Variants in TECRL observed in about 807,000 individuals in gnomAD.
The protein encoded by TECRL is trans-2,3-enoyl-CoA reductase like.
Under a neutral mutation model 52.8 loss-of-function variants are expected in TECRL, and 63 were observed. The observed-to-expected ratio is 1.19, with a 90% CI of 0.97 to 1.47. TECRL has a LOEUF of 1.47. TECRL is among the 40% of genes most tolerant of loss of function. The pLI is 0.00. For missense variants in TECRL, 482 were observed against 429.6 expected, an observed-to-expected ratio of 1.12 and a Z score of -1.08; for synonymous variants, 164 against 141.9, an observed-to-expected ratio of 1.16 and a Z score of -1.10.
chr4:64,293,999 T>A lies in TECRL; in HGVS notation c.775-4232A>T, dbSNP rs553704493. The stretch of plus-strand genomic sequence containing the variant: ...ATATATAAAATATATATATATATAT[T>A]TTTTGGAGACGGAATCTTGCTCTGA... On this transcript the variant is annotated intron_variant, in intron 8 of 11. Transcript: ENST00000381210. 2.7e-4 allele frequency among the ~76,000 whole-genome samples: 41 copies of A among 149,564 alleles called. No individual in the cohort carries two copies. In the South Asian group the frequency reaches 4.6e-3, roughly 17 times the overall value.
chr4:64,409,359 A>G lies in TECRL; in HGVS notation c.-8T>C, dbSNP rs752398466. 1.9e-6 allele frequency: 3 copies of G among 1,610,754 alleles called. No homozygotes were observed. The highest frequency in any genetic ancestry group is 2.5e-6 in the Non-Finnish European group (3 of 1,177,648). On this transcript the variant is annotated 5_prime_UTR_variant, in exon 1 of 12. Transcript: ENST00000381210. ...CTTGTGCCTTTTGAACATTGTGTGA[A>G]CTAAGAGGAGGGTCTGTCATGTCAA... is the stretch of plus-strand genomic sequence containing the variant.
At chr4:64,324,780 A>T (rs1718139730) in intron 3 of TECRL, among the ~76,000 whole-genome samples, 2 of 152,100 alleles carry the variant, frequency 1.3e-5, no homozygotes, top group African/African-American at 4.8e-5. Flanking sequence ...ACATATATAT[A>T]CATATATAAT....
In TECRL at chr4:64,280,066, CT is replaced by C. The variant is rs745969657; in HGVS notation, c.*5del. 122 of 1,585,942 alleles carry C rather than the reference CT, an allele frequency of 7.7e-5. No individual in the cohort carries two copies. Among genetic ancestry groups the C allele is most frequent in the Non-Finnish European group, 9.8e-5 (114 of 1,168,378 alleles). ...GCTGTTTTCTATAGGAGATAAGATTCTTTTTTTACAATATGAATGGAATCAT... is the reference window on the plus strand; with the variant it reads ...GCTGTTTTCTATAGGAGATAAGATTCTTTTTTACAATATGAATGGAATCAT... On this transcript the variant is annotated 3_prime_UTR_variant, in exon 12 of 12. Transcript: ENST00000381210.
At chr4:64,276,618 G>A (rs140277318), downstream of TECRL, 746 of 153,026 alleles carry the variant, frequency 4.9e-3, 10 homozygotes, top group African/African-American at 0.017. Context: ...ATGTAATTGA[G>A]ACACTTACAA....
intron 6 of TECRL, among the ~76,000 whole-genome samples, chr4:64,308,044 G>C (rs2109993623): frequency 6.6e-6 from 1 of 152,232 alleles, no homozygotes. Flanking sequence ...CCCTCTCACA[G>C]CCTGAAAAAG....
intron 2 of TECRL, among the ~76,000 whole-genome samples, chr4:64,374,052 CATATATATATATATAT>C (rs77300773): frequency 1.7e-4 from 18 of 105,988 alleles, no homozygotes; most frequent in African/African-American, 7.5e-4. Flanking sequence ...ATAGTAGATA[CATATATATATATATAT>C]ATATATATAT....
chr4:64,376,119 C>T (rs1281053058), intron 1 of TECRL, among the ~76,000 whole-genome samples: 1 of 151,698 alleles, frequency 6.6e-6, no homozygotes, highest in Non-Finnish European at 1.5e-5. Flanking sequence ...CATAATAGTC[C>T]ATAAGAATTG....
chr4:64,291,541 T>C (rs1259690022), intron 8 of TECRL, among the ~76,000 whole-genome samples: 2 of 151,988 alleles, frequency 1.3e-5, no homozygotes, highest in Non-Finnish European at 2.9e-5. Context: ...AAAATAAGTT[T>C]TAGAAATTAT....
chr4:64,305,700 C>T (rs1724295653), intron 6 of TECRL, among the ~76,000 whole-genome samples: 1 of 152,168 alleles, frequency 6.6e-6, no homozygotes, highest in Admixed American at 6.5e-5. Context: ...CTTTAACCCT[C>T]CCTGCTCCAT....
chr4:64,280,041 G>T lies in TECRL; in HGVS notation c.*31C>A, dbSNP rs768897184. On this transcript the variant is annotated 3_prime_UTR_variant, in exon 12 of 12. Coordinates refer to ENST00000381210, the MANE Select transcript of TECRL (RefSeq NM_001010874.5). Reference sequence around the variant, plus strand: ...GTCTTATTTATTGAATTTATATGTTGCTGTTTTCTATAGGAGATAAGATTC... The same window carrying T: ...GTCTTATTTATTGAATTTATATGTTTCTGTTTTCTATAGGAGATAAGATTC... 472 of 1,549,700 alleles carry T rather than the reference G, an allele frequency of 3.0e-4. No individual in the cohort carries two copies. Among genetic ancestry groups the T allele is most frequent in the Non-Finnish European group, 4.0e-4 (455 of 1,142,238 alleles).
chr4:64,401,189 T>C (rs1724336477), intron 1 of TECRL, among the ~76,000 whole-genome samples: 1 of 152,214 alleles, frequency 6.6e-6, no homozygotes, highest in African/African-American at 2.4e-5. Context: ...AAAAAATGAT[T>C]ACCCTGTTCA....
At chr4:64,382,530 T>C (rs1722891395) in intron 1 of TECRL, among the ~76,000 whole-genome samples, 1 of 151,602 alleles carries the variant, frequency 6.6e-6, no homozygotes, top group Non-Finnish European at 1.5e-5. Flanking sequence ...TAGCTAATCC[T>C]GTCTTCTTTT....
At chr4:64,370,438 G>A (rs192493215) in intron 2 of TECRL, among the ~76,000 whole-genome samples, 100 of 151,912 alleles carry the variant, frequency 6.6e-4, no homozygotes, top group African/African-American at 2.0e-3. Context: ...ATTTAGATTT[G>A]AGAAAAGAAG....
chr4:64,382,032 T>C (rs1319356058), intron 1 of TECRL, among the ~76,000 whole-genome samples: 2 of 151,672 alleles, frequency 1.3e-5, no homozygotes, highest in Non-Finnish European at 2.9e-5. Flanking sequence ...ATTTACAAGT[T>C]TGATGGAATT....
intron 2 of TECRL, among the ~76,000 whole-genome samples, chr4:64,365,932 T>C (rs948913496): frequency 1.3e-5 from 2 of 151,970 alleles, no homozygotes; most frequent in African/African-American, 2.4e-5. Flanking sequence ...GCCAAAGGAA[T>C]CCTAAGCAAA....
At chr4:64,373,962 T>A (rs115458234) in intron 2 of TECRL, among the ~76,000 whole-genome samples, 2,177 of 139,756 alleles carry the variant, frequency 0.016, 68 homozygotes, top group African/African-American at 0.054. Flanking sequence ...ACACACTATA[T>A]GTATACAGTA....
intron 2 of TECRL, among the ~76,000 whole-genome samples, chr4:64,349,099 T>G (rs1373907735): frequency 6.6e-6 from 1 of 150,706 alleles, no homozygotes; most frequent in African/African-American, 2.4e-5. Flanking sequence ...TTCATAAATT[T>G]TTTTTAATAA....
At chr4:64,336,127 G>A (rs1215878480) in intron 2 of TECRL, among the ~76,000 whole-genome samples, 1 of 152,126 alleles carries the variant, frequency 6.6e-6, no homozygotes, top group Non-Finnish European at 1.5e-5. Flanking sequence ...ATTCAGCTGT[G>A]AATCCGTCTG....
At chr4:64,372,600 A>C (rs915496368) in intron 2 of TECRL, among the ~76,000 whole-genome samples, 7 of 151,800 alleles carry the variant, frequency 4.6e-5, no homozygotes, top group African/African-American at 1.7e-4. Context: ...AAAAAGTTCT[A>C]AAATAAAACA....
Sources: allele counts gnomAD v4.1 joint callset (sites outside exome capture counted in the v4.1 genomes callset), GRCh38; gene constraint gnomAD v4.1.1; transcripts MANE v1.5; gene names NCBI Gene and HGNC (gene_info 2026-07-23, HGNC 2026-07-21).